Variants in XKR9 observed in about 807,000 individuals in gnomAD.
XKR9 encodes the protein XK-related protein 9.
XKR9 carries 32 observed loss-of-function variants against 32.0 expected under a neutral mutation model. That is an observed-to-expected ratio of 1.00 (90% confidence interval 0.76 to 1.34). The LOEUF (loss-of-function observed/expected upper bound fraction) is 1.34. Among genes scored for constraint, XKR9 ranks in the 40% most tolerant of loss-of-function variants. The pLI, the probability that XKR9 is intolerant of heterozygous loss-of-function variation, is 0.00. For synonymous variants in XKR9, 168 were observed against 143.4 expected (o/e 1.17, Z -1.22); for missense variants, 546 against 429.7 (o/e 1.27, Z -2.39).
At chr8:70,757,096 A>T (rs1807237676) in intron 2 of XKR9, among the ~76,000 whole-genome samples, 1 of 152,148 alleles carries the variant, frequency 6.6e-6, no homozygotes, top group South Asian at 2.1e-4. Context: ...GTCTATTGAG[A>T]TAATCATGTG....
At chr8:70,942,110 C>T in the XKR9 span, among the ~76,000 whole-genome samples, 2 of 152,044 alleles carry the variant, frequency 1.3e-5, no homozygotes, top group African/African-American at 4.8e-5. Flanking sequence ...ATGTACTGAA[C>T]AGTTGAACAG....
chr8:71,045,256 C>T, the XKR9 span, among the ~76,000 whole-genome samples: 4 of 152,202 alleles, frequency 2.6e-5, no homozygotes, highest in Non-Finnish European at 5.9e-5. Flanking sequence ...TCCAACATAT[C>T]CGCAAAGCTT....
the XKR9 span, among the ~76,000 whole-genome samples, chr8:70,974,297 G>A: frequency 6.6e-6 from 1 of 151,604 alleles, no homozygotes; most frequent in Non-Finnish European, 1.5e-5. Flanking sequence ...CAACATGCAG[G>A]TTTGTTACAT....
the XKR9 span, among the ~76,000 whole-genome samples, chr8:70,901,754 G>C: frequency 6.6e-6 from 1 of 152,130 alleles, no homozygotes; most frequent in Non-Finnish European, 1.5e-5. Flanking sequence ...GTTCTGAATG[G>C]TATTGCCTAG....
intron 2 of XKR9, among the ~76,000 whole-genome samples, chr8:70,747,196 T>C (rs1330018577): frequency 2.6e-5 from 4 of 152,218 alleles, no homozygotes; most frequent in African/African-American, 9.7e-5. Flanking sequence ...TCTTTGTTAT[T>C]GTGAATAGTG....
chr8:70,685,378 G>C (rs1269599986), intron 3 of XKR9, among the ~76,000 whole-genome samples: 1 of 142,506 alleles, frequency 7.0e-6, no homozygotes, highest in African/African-American at 2.6e-5. Flanking sequence ...ATAGCATTAG[G>C]AGATATACCT....
the XKR9 span, among the ~76,000 whole-genome samples, chr8:70,927,289 C>T: frequency 7.9e-5 from 12 of 152,018 alleles, no homozygotes; most frequent in East Asian, 2.0e-3. Flanking sequence ...AGGGTATCAT[C>T]GATCAATTTT....
the XKR9 span, among the ~76,000 whole-genome samples, chr8:70,899,801 C>A: frequency 6.6e-6 from 1 of 152,132 alleles, no homozygotes; most frequent in East Asian, 1.9e-4. Flanking sequence ...TTTAAAGTGA[C>A]AGAGTTCTCC....
chr8:70,799,239 G>A, the XKR9 span, among the ~76,000 whole-genome samples: 1 of 152,034 alleles, frequency 6.6e-6, no homozygotes, highest in East Asian at 1.9e-4. Context: ...GCAGTGTTTT[G>A]TAATTCTTAT....
chr8:70,827,012 A>T, the XKR9 span, among the ~76,000 whole-genome samples: 1 of 152,142 alleles, frequency 6.6e-6, no homozygotes, highest in Non-Finnish European at 1.5e-5. Flanking sequence ...TTTGTTGTAC[A>T]TAAAGGCGGT....
At chr8:70,803,502 G>T in the XKR9 span, among the ~76,000 whole-genome samples, 12 of 152,186 alleles carry the variant, frequency 7.9e-5, no homozygotes, top group African/African-American at 2.7e-4. Context: ...ATCATTTGGA[G>T]GTAAGAAGAC....
chr8:70,844,464 G>A, the XKR9 span, among the ~76,000 whole-genome samples: 6 of 152,172 alleles, frequency 3.9e-5, no homozygotes, highest in African/African-American at 1.4e-4. Flanking sequence ...GCCACAGCAC[G>A]CTTGTACATG....
intron 2 of XKR9, among the ~76,000 whole-genome samples, chr8:70,785,908 T>C (rs1460461327): frequency 1.3e-5 from 2 of 151,872 alleles, no homozygotes; most frequent in Non-Finnish European, 2.9e-5. Context: ...ACTACAACTT[T>C]GAACTACTGG....
chr8:70,989,250 T>C, the XKR9 span, among the ~76,000 whole-genome samples: 1 of 152,186 alleles, frequency 6.6e-6, no homozygotes, highest in African/African-American at 2.4e-5. Context: ...AATCCCCAAA[T>C]TATTTGCAAA....
intron 4 of XKR9, among the ~76,000 whole-genome samples, chr8:70,724,545 C>T (rs567723396): frequency 1.3e-5 from 2 of 152,224 alleles, no homozygotes; most frequent in African/African-American, 4.8e-5. Flanking sequence ...TTCTCCTGGT[C>T]TACGGGTTGC....
chr8:70,779,215 G>T (rs543444957), intron 2 of XKR9, among the ~76,000 whole-genome samples: 1 of 152,004 alleles, frequency 6.6e-6, no homozygotes, highest in Non-Finnish European at 1.5e-5. Flanking sequence ...AGATAATCAC[G>T]TGGTTTTTTG....
At chr8:70,917,174 C>T in the XKR9 span, among the ~76,000 whole-genome samples, 1 of 152,136 alleles carries the variant, frequency 6.6e-6, no homozygotes, top group Admixed American at 6.5e-5. Context: ...CTTTCCTTTA[C>T]CTAGATTGTC....
the XKR9 span, among the ~76,000 whole-genome samples, chr8:71,050,234 G>GATATATATATATATATATATAT: frequency 2.1e-5 from 2 of 95,964 alleles, no homozygotes; most frequent in Non-Finnish European, 4.8e-5. Context: ...ATGCCTGGCA[G>GATATATATATATATATATATAT]AGATATATAT....
At chr8:70,774,918 A>C (rs1807498991) in intron 2 of XKR9, among the ~76,000 whole-genome samples, 1 of 152,108 alleles carries the variant, frequency 6.6e-6, no homozygotes, top group African/African-American at 2.4e-5. Flanking sequence ...TTTTAGAAAA[A>C]ACCTGATAGA....
Sources: allele counts gnomAD v4.1 joint callset (sites outside exome capture counted in the v4.1 genomes callset), GRCh38; gene constraint gnomAD v4.1.1; transcripts MANE v1.5; gene names NCBI Gene and HGNC (gene_info 2026-07-23, HGNC 2026-07-21).